MIAT: variants seen among roughly 807,000 people sequenced by gnomAD.
MIAT encodes MI related novel mRNA.
At position 26,675,409 on chromosome 22, in the gene MIAT, A is replaced by G. The variant is rs547992061; in HGVS notation, n.9077A>G. 1.2e-4 allele frequency: 47 copies of G among 398,664 alleles called. 1 individual carries two copies. In the Admixed American group the frequency reaches 1.6e-3, roughly 14 times the overall value. The allele number at this position is 398,664 out of a possible 1,614,324, so 24.7% of individuals were successfully genotyped here. ...GGGAGCGACGGATATGATCTGAGAAAGGGAGTTAGTGGATTTGAGTTTTAG... is the reference window on the plus strand; with the variant it reads ...GGGAGCGACGGATATGATCTGAGAAGGGGAGTTAGTGGATTTGAGTTTTAG... On this transcript the variant is annotated non_coding_transcript_exon_variant, in exon 5 of 5. Transcript: ENST00000613780.
chr22:26,676,050 G>C (rs1352821349), exon 5 of MIAT: 1 of 398,538 alleles, frequency 2.5e-6, no homozygotes, highest in Non-Finnish European at 4.4e-6. Flanking sequence ...TGAACATCAA[G>C]CTTGCTATGA....
At chr22:26,670,870 A>G, downstream of MIAT, 2 of 398,494 alleles carry the variant, frequency 5.0e-6, no homozygotes, top group Admixed American at 8.8e-5. Flanking sequence ...GGGTACACTT[A>G]GGTGCTTTGT....
chr22:26,646,967 C>T lies in MIAT; in HGVS notation n.508+8C>T, dbSNP rs1286706997. ...TCAACCCAGACAAGCCAGGTAAGTC[C>T]CTGAAAGGGGACTGCATTTCTGCAG... On this transcript the variant is annotated splice_region_variant and intron_variant and non_coding_transcript_variant, in intron 1 of 5. Coordinates refer to ENST00000643270, the Ensembl canonical transcript of MIAT. 1.7e-4 allele frequency: 66 copies of T among 398,446 alleles called. No homozygotes were observed. The East Asian group carries it at 2.4e-3, about 14-fold the overall frequency. 24.7% of individuals were successfully genotyped at this position (398,446 alleles called of 1,614,324 possible). A position where few individuals can be genotyped will look rare whatever the true frequency, so the allele number is the denominator to read the frequency against.
chr22:26,675,460 A>G lies in MIAT; in HGVS notation n.9128A>G, dbSNP rs552240136. The G allele has an allele frequency of 2.5e-3, 1,004 of 398,674 alleles. 8 individuals carry two copies. The highest frequency in any genetic ancestry group is 1.4e-3 in the Non-Finnish European group (308 of 226,082). The allele number at this position is 398,674 out of a possible 1,614,324, so 24.7% of individuals were successfully genotyped here. On this transcript the variant is annotated non_coding_transcript_exon_variant, in exon 5 of 5. Coordinates refer to the MIAT transcript ENST00000613780. Reference sequence around the variant, plus strand: ...GCTGGCCATTTGGCTTTTCCAGCCCAGGTGGAACTCAGAGGAGTTTGCAAT... The same window carrying G: ...GCTGGCCATTTGGCTTTTCCAGCCCGGGTGGAACTCAGAGGAGTTTGCAAT...
At chr22:26,666,432 A>T (rs1255679659) in exon 4 of MIAT, 6 of 398,518 alleles carry the variant, frequency 1.5e-5, no homozygotes, top group Non-Finnish European at 2.7e-5. Context: ...TCCATTTCCC[A>T]TCCATTGCTT....
intron 2 of MIAT, among the ~76,000 whole-genome samples, chr22:26,648,619 T>A (rs1930281460): frequency 6.6e-6 from 1 of 152,014 alleles, no homozygotes; most frequent in Non-Finnish European, 1.5e-5. Context: ...GAGGATACAT[T>A]TTCAGGTCCT....
exon 6 of MIAT, chr22:26,668,771 T>G (rs932163072): frequency 5.0e-6 from 2 of 399,386 alleles, no homozygotes; most frequent in Non-Finnish European, 8.8e-6. Flanking sequence ...TTTTCCATGC[T>G]TTTCCTCTCC....
intron 2 of MIAT, chr22:26,657,792 C>G: frequency 2.5e-6 from 1 of 397,838 alleles, no homozygotes; most frequent in Middle Eastern, 6.3e-4. Context: ...GCAACGCCGC[C>G]TGAAGTGTCC....
chr22:26,647,688 G>T (rs1002729473), intron 2 of MIAT, among the ~76,000 whole-genome samples: 1 of 152,146 alleles, frequency 6.6e-6, no homozygotes, highest in Non-Finnish European at 1.5e-5. Flanking sequence ...GACCAGAGGG[G>T]CTGCGAGCAG....
At chr22:26,673,379 G>T, downstream of MIAT, 1 of 399,056 alleles carries the variant, frequency 2.5e-6, no homozygotes, top group Non-Finnish European at 4.4e-6. Flanking sequence ...CTCTCACCCA[G>T]CTAATCCCTG....
chr22:26,673,340 A>G (rs770290165), downstream of MIAT: 17 of 398,698 alleles, frequency 4.3e-5, no homozygotes, highest in Non-Finnish European at 6.2e-5. Context: ...TCTTTGGGCT[A>G]ATCTCTGGCT....
At chr22:26,658,911 C>T (rs1027259451) in intron 2 of MIAT, among the ~76,000 whole-genome samples, 2 of 152,214 alleles carry the variant, frequency 1.3e-5, no homozygotes, top group East Asian at 1.9e-4. Context: ...CTTTGCAAAG[C>T]GCATTCCCAT....
chr22:26,669,380 G>C, exon 6 of MIAT: 1 of 398,606 alleles, frequency 2.5e-6, no homozygotes, highest in Non-Finnish European at 4.4e-6. Flanking sequence ...TTCTGGTGAG[G>C]CCTCTCTCCT....
Position 26,654,873 on chromosome 22 carries a change from G to C in MIAT, n.646+7562G>C, listed in dbSNP as rs559256342. Among the ~76,000 whole-genome samples the C allele has an allele frequency of 1.4e-3, 208 of 152,042 alleles. 2 individuals carry two copies. The highest frequency in any genetic ancestry group is 3.4e-3 in the Middle Eastern group (1 of 294). ...ACTACAGGTGCCTACCACCATGCCC[G>C]GCTAATTTTTTGTATTTTTTAGTAG... On this transcript the variant is annotated intron_variant and non_coding_transcript_variant, in intron 2 of 5. Transcript: ENST00000643270.
At chr22:26,659,356 C>T (rs1930573695) in intron 2 of MIAT, among the ~76,000 whole-genome samples, 1 of 152,116 alleles carries the variant, frequency 6.6e-6, no homozygotes, top group Non-Finnish European at 1.5e-5. Flanking sequence ...CCTTCCATGT[C>T]CCCCATGCCC....
At chr22:26,660,461 C>CAAAAAAAA (rs58234097) in intron 2 of MIAT, among the ~76,000 whole-genome samples, 6 of 107,170 alleles carry the variant, frequency 5.6e-5, no homozygotes, top group Non-Finnish European at 7.5e-5. Context: ...GAGACTATCT[C>CAAAAAAAA]AAAAAAAAAA....
At chr22:26,650,270 T>A (rs74804539) in intron 2 of MIAT, 1 of 152,336 alleles carries the variant, frequency 6.6e-6, no homozygotes, top group East Asian at 1.9e-4. Context: ...GAAGCTGCCA[T>A]CTGTGAATCG....
At chr22:26,675,199 G>C in exon 5 of MIAT, 2 of 399,060 alleles carry the variant, frequency 5.0e-6, no homozygotes, top group Non-Finnish European at 8.8e-6. Context: ...GCTGAGCTGT[G>C]GCTGGGTGGA....
At chr22:26,664,718 T>C (rs1020498964) in intron 3 of MIAT, among the ~76,000 whole-genome samples, 2 of 152,246 alleles carry the variant, frequency 1.3e-5, no homozygotes, top group African/African-American at 4.8e-5. Flanking sequence ...GATTCCCTTA[T>C]GTGGATAAGC....
Sources: gnomAD v4.1 joint callset for allele counts (sites outside exome capture counted in the v4.1 genomes callset) on GRCh38, gnomAD v4.1.1 for gene constraint, MANE v1.5 for transcripts, NCBI Gene and HGNC (gene_info 2026-07-23, HGNC 2026-07-21) for gene names.